Variants in KNSTRN observed in about 807,000 individuals in gnomAD.
The protein encoded by KNSTRN is small kinetochore-associated protein.
A neutral mutation model predicts 44.7 loss-of-function variants in KNSTRN; 38 were observed. The ratio of observed to expected loss-of-function variants is 0.85; its 90% confidence interval spans 0.66 to 1.11. The LOEUF is 1.11. Among genes scored for constraint, KNSTRN ranks in the 50% most tolerant of loss-of-function variants. KNSTRN has a pLI of 0.00. For missense variants in KNSTRN, 406 were observed against 375.8 expected (o/e 1.08, Z -0.66); for synonymous variants, 158 against 148.1 (o/e 1.07, Z -0.48).
chr15:40,386,841 AGT>A, intron 3 of KNSTRN: 9 of 523,868 alleles, frequency 1.7e-5, no homozygotes, highest in East Asian at 3.4e-5. Context: ...GTCCAGCCCT[AGT>A]GTGTGTGTAT....
intron 2 of KNSTRN, chr15:40,384,493 AGGAGTTGCTGGAAGAACT>A (rs1889870951): frequency 2.2e-6 from 1 of 455,744 alleles, no homozygotes; most frequent in South Asian, 1.5e-5. Context: ...AGCGGGGACT[AGGAGTTGCTGGAAGAACT>A]GGAGCCAGGT....
rs1188602959 is a variant in KNSTRN, at chr15:40,391,973, G to A, written c.772G>A (p.Glu258Lys). Residue 258 changes from glutamate (E) to lysine (K), a missense_variant, in exon 8 of 9, where the codon GAG becomes AAG. Glu to Lys is a moderately conservative substitution (Grantham distance 56). Coordinates refer to ENST00000249776, the MANE Select transcript of KNSTRN (RefSeq NM_033286.4). The part of the protein sequence containing the change: ...SMLLLETLQE[E>K]LKLFNETAKK... ...GTTGCTGTTAGAAACTTTGCAAGAG[G>A]AGCTGAAGCTTTTTAACGAAACAGC... 1 of 1,611,476 alleles carries A rather than the reference G, an allele frequency of 6.2e-7. No homozygotes were observed. The highest frequency in any genetic ancestry group is 1.3e-5 in the African/African-American group (1 of 74,828).
At chr15:40,389,179 CT>C (rs1161611791) in intron 4 of KNSTRN, 3 of 463,458 alleles carry the variant, frequency 6.5e-6, no homozygotes, top group Admixed American at 4.7e-5. Flanking sequence ...GAGTTTTGCT[CT>C]TGTTGCCACC....
chr15:40,391,578 C>T (rs375565554), intron 7 of KNSTRN, 24 bp downstream of exon 7: 16 of 1,599,412 alleles, frequency 1.0e-5, no homozygotes, highest in Middle Eastern at 3.3e-4. Flanking sequence ...TGTGAAAGGG[C>T]GCAAGGGCTG....
chr15:40,387,743 C>G (rs1168573615), intron 4 of KNSTRN, among the ~76,000 whole-genome samples: 1 of 152,204 alleles, frequency 6.6e-6, no homozygotes, highest in African/African-American at 2.4e-5. Context: ...CACACCAGCT[C>G]ACACCTGTAA....
chr15:40,393,076 C>A, intron 8 of KNSTRN: 2 of 1,005,774 alleles, frequency 2.0e-6, no homozygotes. Flanking sequence ...ATGTGTAACA[C>A]AGTAGGTTGC....
At chr15:40,391,672 A>G (rs1890000165) in intron 7 of KNSTRN, 118 bp downstream of exon 7, 1 of 862,356 alleles carries the variant, frequency 1.2e-6, no homozygotes, top group Admixed American at 2.5e-5. Context: ...ATTATCTGTG[A>G]TGCTAGAAAA....
intron 2 of KNSTRN, chr15:40,384,404 T>C: frequency 4.5e-6 from 2 of 447,778 alleles, no homozygotes; most frequent in South Asian, 3.2e-5. Flanking sequence ...CTGAAGTAAA[T>C]AGGCTTTTCT....
chr15:40,389,970 G>C (rs770908025), intron 6 of KNSTRN, 41 bp downstream of exon 6: 2 of 1,501,204 alleles, frequency 1.3e-6, no homozygotes, highest in African/African-American at 2.7e-5. Context: ...GAAGGAATTG[G>C]TGCATGTGCC....
In KNSTRN at chr15:40,394,258, C is replaced by T. The variant is rs1392066256; in HGVS notation, c.*661C>T. On this transcript the variant is annotated 3_prime_UTR_variant, in exon 9 of 9. Transcript: ENST00000249776. ...ACTTCTGTAAATATTCTGACTGTAA[C>T]ATTGAGGAATGAAAATAGCCTTTTA... The T allele has an allele frequency of 6.6e-6, 1 of 152,152 alleles. No individual in the cohort carries two copies. The highest frequency in any genetic ancestry group is 1.5e-5 in the Non-Finnish European group (1 of 68,046). The allele number at this position is 152,152 out of a possible 1,614,324, so 9.4% of individuals were successfully genotyped here.
In KNSTRN at chr15:40,382,809, G is replaced by A. The variant is rs746179560; in HGVS notation, c.-27G>A. 2 of 1,600,206 alleles carry A rather than the reference G, an allele frequency of 1.2e-6. No individual in the cohort carries two copies. The highest frequency in any genetic ancestry group is 2.7e-5 in the African/African-American group (2 of 74,704). The stretch of plus-strand genomic sequence containing the variant: ...AACACCTTTCGCTAGGTCTGGCTCT[G>A]GCCTCTGAGCGAACCTTCCGTACAG... On this transcript the variant is annotated 5_prime_UTR_variant, in exon 1 of 9. Coordinates refer to ENST00000249776, the MANE Select transcript of KNSTRN (RefSeq NM_033286.4).
At chr15:40,392,150 A>G in intron 8 of KNSTRN, 127 bp downstream of exon 8, 1 of 675,926 alleles carries the variant, frequency 1.5e-6, no homozygotes, top group Non-Finnish European at 2.3e-6. Context: ...GGAAAGTTAC[A>G]AAGATAATAC....
Position 40,390,335 on chromosome 15 carries a change from C to T in KNSTRN, c.685+406C>T, listed in dbSNP as rs915670042. Among the ~76,000 whole-genome samples the T allele has an allele frequency of 2.0e-5, 3 of 152,208 alleles. No homozygotes were observed. In the East Asian group the frequency reaches 5.8e-4, roughly 29 times the overall value. ...CTTCCTTTCAAGCATACTAGTAATC[C>T]CAAATGGGAAGAGAAAGAAAATACT... On this transcript the variant is annotated intron_variant, in intron 6 of 8. Transcript: ENST00000249776.
chr15:40,392,238 G>C (rs1370307712), intron 8 of KNSTRN, among the ~76,000 whole-genome samples: 1 of 151,206 alleles, frequency 6.6e-6, no homozygotes, highest in East Asian at 1.9e-4. Flanking sequence ...GGGTGTGTAG[G>C]CTTGTTACAC....
At chr15:40,390,369 C>A (rs1029312189) in intron 6 of KNSTRN, among the ~76,000 whole-genome samples, 3 of 152,190 alleles carry the variant, frequency 2.0e-5, no homozygotes, top group African/African-American at 7.2e-5. Context: ...CTATTTCAAG[C>A]ATTCTTAAAC....
chr15:40,388,111 C>A (rs1384902470), intron 4 of KNSTRN, among the ~76,000 whole-genome samples: 3 of 152,184 alleles, frequency 2.0e-5, no homozygotes. Context: ...GTCGGGGAGA[C>A]CCTAACCCAG....
rs777913445 is a variant in KNSTRN, at chr15:40,393,562, G to A, written c.916G>A (p.Ala306Thr). 1 of 1,613,990 alleles carries A rather than the reference G, an allele frequency of 6.2e-7. No homozygotes were observed. Among genetic ancestry groups the A allele is most frequent in the East Asian group, 2.2e-5 (1 of 44,872 alleles). The change falls in exon 9 of 9, where the codon GCC becomes ACC. Residue 306 changes from alanine to threonine, a missense_variant. Coordinates refer to ENST00000249776, the MANE Select transcript of KNSTRN (RefSeq NM_033286.4). ...CAATCAAGTAAATGATTTAACAACA[G>A]CCCTTAAGGAAATGGAGCAGCTATT... is the stretch of plus-strand genomic sequence containing the variant. ...CNNQVNDLTT[A>T]LKEMEQLLEM
chr15:40,386,899 A>G (rs1889912375), intron 3 of KNSTRN: 1 of 559,712 alleles, frequency 1.8e-6, no homozygotes, highest in South Asian at 2.1e-5. Flanking sequence ...TTGACATGAG[A>G]TAGCCACGCC....
chr15:40,386,480 G>A lies in KNSTRN; in HGVS notation c.423G>A (p.Leu141=). 1 of 1,614,126 alleles carries A rather than the reference G, an allele frequency of 6.2e-7. No individual in the cohort carries two copies. The highest frequency in any genetic ancestry group is 8.5e-7 in the Non-Finnish European group (1 of 1,179,998). Residue 141 remains leucine (L), a synonymous_variant, in exon 3 of 9, where the codon CTG becomes CTA. Transcript: ENST00000249776. The stretch of plus-strand genomic sequence containing the variant: ...ATGATGTTACAAAAATCACCAAACT[G>A]AGACGAGAGAATGGGTGAGAACGGA... The part of the protein sequence containing the change: ...PENDVTKITK[L]RRENGQMKAT...
Sources: gnomAD v4.1 joint callset for allele counts (sites outside exome capture counted in the v4.1 genomes callset) on GRCh38, gnomAD v4.1.1 for gene constraint, MANE v1.5 for transcripts, NCBI Gene and HGNC (gene_info 2026-07-23, HGNC 2026-07-21) for gene names.